Variants in IGF2BP2 observed in about 807,000 individuals in gnomAD.
The protein encoded by IGF2BP2 is insulin like growth factor 2 mRNA binding protein 2, also known as insulin-like growth factor 2 mRNA-binding protein 2.
A neutral mutation model predicts 75.8 loss-of-function variants in IGF2BP2; 17 were observed. The observed-to-expected ratio is 0.22, with a 90% CI of 0.15 to 0.34. IGF2BP2 has a LOEUF of 0.34. IGF2BP2 is among the 10% of genes least tolerant of loss of function. The probability of loss-of-function intolerance (pLI) is 1.00; values close to 1 mark genes in which losing one functional copy is unlikely to be tolerated. For missense variants in IGF2BP2, 516 were observed against 772.4 expected (o/e 0.67, Z 3.93); for synonymous variants, 288 against 295.6 (o/e 0.97, Z 0.26).
chr3:185,736,528 TCC>T (rs1728868757), intron 2 of IGF2BP2, among the ~76,000 whole-genome samples: 1 of 152,212 alleles, frequency 6.6e-6, no homozygotes, highest in African/African-American at 2.4e-5. Flanking sequence ...GCACCATCAT[TCC>T]CTACCCATGC....
Position 185,647,301 on chromosome 3 carries a change from C to T in IGF2BP2, c.1594-163G>A, listed in dbSNP as rs1411955740. Among the ~76,000 whole-genome samples, 1 of 152,096 alleles carries T rather than the reference C, an allele frequency of 6.6e-6. No homozygotes were observed. Among genetic ancestry groups the T allele is most frequent in the Non-Finnish European group, 1.5e-5 (1 of 68,020 alleles). On this transcript the variant is annotated intron_variant, in intron 14 of 15. Transcript: ENST00000382199. The surrounding 1 kb of genome is among the most constrained non-coding windows in gnomAD (Gnocchi z 4.9). The stretch of plus-strand genomic sequence containing the variant: ...GGACACCCCGGGGGCTCCTCTGCCC[C>T]TGAGCACATGGGGCCATGTTGGTTG...
chr3:185,683,014 C>T (rs531287674), intron 7 of IGF2BP2, among the ~76,000 whole-genome samples: 1 of 152,270 alleles, frequency 6.6e-6, no homozygotes, highest in South Asian at 2.1e-4. Context: ...CAGCATTATT[C>T]ACAATAGCCA....
At chr3:185,721,611 G>A (rs1261002490) in intron 2 of IGF2BP2, among the ~76,000 whole-genome samples, 1 of 152,090 alleles carries the variant, frequency 6.6e-6, no homozygotes, top group Non-Finnish European at 1.5e-5. Context: ...TGGAAATCAA[G>A]TCTTTGTCTA....
chr3:185,744,501 T>C (rs1729981387), intron 2 of IGF2BP2, among the ~76,000 whole-genome samples: 1 of 152,196 alleles, frequency 6.6e-6, no homozygotes, highest in Non-Finnish European at 1.5e-5. Context: ...CTTCCTTTCT[T>C]AGTTTTTATA....
At chr3:185,821,215 A>T in intron 2 of IGF2BP2, 2 of 1,194,046 alleles carry the variant, frequency 1.7e-6, no homozygotes, top group Non-Finnish European at 2.2e-6. Context: ...AAATGATGTA[A>T]CTCCTCTAGA....
intron 2 of IGF2BP2, among the ~76,000 whole-genome samples, chr3:185,768,394 C>T (rs1256017521): frequency 6.6e-6 from 1 of 152,176 alleles, no homozygotes; most frequent in Non-Finnish European, 1.5e-5. Context: ...TGATGAACTA[C>T]AAACCTTCAG....
intron 2 of IGF2BP2, among the ~76,000 whole-genome samples, chr3:185,802,623 A>G (rs74740590): frequency 0.06 from 9,102 of 152,250 alleles, 863 homozygotes; most frequent in African/African-American, 0.2. Context: ...GCATTCAGCA[A>G]TTAATACAGC....
intron 2 of IGF2BP2, among the ~76,000 whole-genome samples, chr3:185,812,874 A>T (rs540180265): frequency 2.6e-5 from 4 of 152,216 alleles, no homozygotes; most frequent in Non-Finnish European, 5.9e-5. Context: ...TAAAAGATAC[A>T]ATGTTGGCCT....
rs747610996 is a variant in IGF2BP2 at position 185,643,243 on chromosome 3, G to A, written c.*2288C>T. Among the ~76,000 whole-genome samples the A allele has an allele frequency of 6.6e-6, 1 of 152,300 alleles. No homozygotes were observed. Among genetic ancestry groups the A allele is most frequent in the Non-Finnish European group, 1.5e-5 (1 of 68,030 alleles). ...TTACTAGTGAGCTTCCCGTGGAGGCGTGAAGTGCCTCTTCCCGGAACTGCC... is the reference window on the plus strand; with the variant it reads ...TTACTAGTGAGCTTCCCGTGGAGGCATGAAGTGCCTCTTCCCGGAACTGCC... On this transcript the variant is annotated 3_prime_UTR_variant, in exon 16 of 16. Coordinates refer to ENST00000382199, the MANE Select transcript of IGF2BP2 (RefSeq NM_006548.6).
intron 2 of IGF2BP2, among the ~76,000 whole-genome samples, chr3:185,720,501 A>C (rs912178590): frequency 6.6e-6 from 1 of 152,152 alleles, no homozygotes; most frequent in Non-Finnish European, 1.5e-5. Context: ...GATATCACCA[A>C]AACGGAAATT....
intron 2 of IGF2BP2, among the ~76,000 whole-genome samples, chr3:185,741,064 C>CG (rs1729489388): frequency 6.6e-6 from 1 of 151,910 alleles, no homozygotes. Flanking sequence ...TTAGTAGAGA[C>CG]GGGGTTTCAC....
At chr3:185,783,435 T>C (rs1207390486) in intron 2 of IGF2BP2, among the ~76,000 whole-genome samples, 2 of 152,020 alleles carry the variant, frequency 1.3e-5, no homozygotes, top group Admixed American at 6.6e-5. Flanking sequence ...AAAAGTGGAG[T>C]TCTCACCCCT....
chr3:185,743,975 G>A (rs1560397249), intron 2 of IGF2BP2, among the ~76,000 whole-genome samples: 1 of 152,136 alleles, frequency 6.6e-6, no homozygotes, highest in Non-Finnish European at 1.5e-5. Flanking sequence ...AGGGTTTCCT[G>A]GGAGGGAAAA....
At chr3:185,660,025 C>T (rs1041915206) in intron 10 of IGF2BP2, among the ~76,000 whole-genome samples, 5 of 152,174 alleles carry the variant, frequency 3.3e-5, no homozygotes, top group Admixed American at 3.3e-4. Context: ...AACTCCTGAC[C>T]TCAAGTGATC....
At chr3:185,774,673 G>A (rs775707152) in intron 2 of IGF2BP2, among the ~76,000 whole-genome samples, 15 of 151,846 alleles carry the variant, frequency 9.9e-5, no homozygotes, top group Non-Finnish European at 1.8e-4. Flanking sequence ...CTTTCCCATT[G>A]ATAAATAAGT....
intron 2 of IGF2BP2, among the ~76,000 whole-genome samples, chr3:185,769,332 G>C (rs1406173731): frequency 1.3e-5 from 2 of 151,880 alleles, no homozygotes; most frequent in African/African-American, 4.8e-5. Context: ...TCCAGCCTAA[G>C]AGACAGAATG....
chr3:185,695,046 T>G (rs891222090), intron 4 of IGF2BP2, among the ~76,000 whole-genome samples: 5 of 151,804 alleles, frequency 3.3e-5, no homozygotes, highest in Non-Finnish European at 1.5e-5. Context: ...GAGATCATGC[T>G]CCTGCACTCC....
intron 2 of IGF2BP2, among the ~76,000 whole-genome samples, chr3:185,795,952 C>T (rs1478108845): frequency 1.3e-5 from 2 of 152,126 alleles, no homozygotes; most frequent in Non-Finnish European, 2.9e-5. Context: ...TTTACTTCAA[C>T]ACAACAAACT....
intron 2 of IGF2BP2, among the ~76,000 whole-genome samples, chr3:185,758,346 C>A (rs892748565): frequency 3.3e-5 from 5 of 152,178 alleles, no homozygotes; most frequent in African/African-American, 1.2e-4. Context: ...CAAGAGAAAG[C>A]ACAGGCTTCG....
Sources: gnomAD v4.1 joint callset for allele counts (sites outside exome capture counted in the v4.1 genomes callset) on GRCh38, gnomAD v4.1.1 for gene constraint, Gnocchi (gnomAD v3.1) non-coding constraint, MANE v1.5 for transcripts, NCBI Gene and HGNC (gene_info 2026-07-23, HGNC 2026-07-21) for gene names.